Variants in SLC16A12 observed in about 807,000 individuals in gnomAD.
SLC16A12 encodes monocarboxylate transporter 12.
SLC16A12 carries 17 observed loss-of-function variants against 42.4 expected under a neutral mutation model. That is an observed-to-expected ratio of 0.40 (90% confidence interval 0.27 to 0.60). The LOEUF (loss-of-function observed/expected upper bound fraction) is 0.60, where lower values mean the gene tolerates loss of function less well. SLC16A12 is among the 20% of genes least tolerant of loss of function. The probability of loss-of-function intolerance (pLI) is 0.42; values close to 1 mark genes in which losing one functional copy is unlikely to be tolerated. For missense variants in SLC16A12, 544 were observed against 623.0 expected (o/e 0.87, Z 1.35); for synonymous variants, 224 against 229.4 (o/e 0.98, Z 0.21).
chr10:89,554,074 AAG>A (rs1843789370), intron 2 of SLC16A12, among the ~76,000 whole-genome samples: 1 of 120,164 alleles, frequency 8.3e-6, no homozygotes, highest in South Asian at 3.1e-4. Flanking sequence ...GAAAGAAAGA[AAG>A]AAAGAAAGAA....
intron 2 of SLC16A12, among the ~76,000 whole-genome samples, chr10:89,464,640 T>TA (rs1228986115): frequency 6.6e-6 from 1 of 152,168 alleles, no homozygotes; most frequent in African/African-American, 2.4e-5. Flanking sequence ...AATTGTCTAA[T>TA]AAAAAACATT....
At chr10:89,475,745 T>C (rs1031557907) in intron 2 of SLC16A12, among the ~76,000 whole-genome samples, 1 of 152,214 alleles carries the variant, frequency 6.6e-6, no homozygotes, top group Non-Finnish European at 1.5e-5. Flanking sequence ...CTCTACATTG[T>C]GTGTGATGCT....
intron 2 of SLC16A12, among the ~76,000 whole-genome samples, chr10:89,544,937 G>A (rs1380860474): frequency 1.3e-5 from 2 of 152,138 alleles, no homozygotes; most frequent in African/African-American, 4.8e-5. Context: ...TACTCCTTAA[G>A]TCAGGCATCA....
intron 2 of SLC16A12, among the ~76,000 whole-genome samples, chr10:89,476,275 T>C (rs76235543): frequency 7.2e-5 from 11 of 152,330 alleles, no homozygotes; most frequent in Admixed American, 2.0e-4. Flanking sequence ...GAGCCTATTA[T>C]TGAGAACAGT....
intron 2 of SLC16A12, among the ~76,000 whole-genome samples, chr10:89,541,894 T>C (rs1438426944): frequency 6.6e-6 from 1 of 152,248 alleles, no homozygotes; most frequent in Non-Finnish European, 1.5e-5. Context: ...ATTATTATTT[T>C]GTGTCTCCAA....
intron 2 of SLC16A12, among the ~76,000 whole-genome samples, chr10:89,518,692 T>C (rs935452248): frequency 6.6e-6 from 1 of 152,096 alleles, no homozygotes; most frequent in Non-Finnish European, 1.5e-5. Context: ...CTGTGTGACC[T>C]GGAACAAGTG....
At position 89,432,959 on chromosome 10, in the gene SLC16A12, C is replaced by T; in HGVS notation, c.*105G>A. On this transcript the variant is annotated 3_prime_UTR_variant, in exon 8 of 8. Transcript: ENST00000371790. The stretch of plus-strand genomic sequence containing the variant: ...TTAACAAAACAATAATAATAATTTC[C>T]TTGGAAGGCAATCCTTCTGCCAAAA... The T allele has an allele frequency of 1.4e-6, 2 of 1,437,698 alleles. No homozygotes were observed. The highest frequency in any genetic ancestry group is 2.6e-5 in the South Asian group (2 of 78,028). 89.1% of individuals were successfully genotyped at this position (1,437,698 alleles called of 1,614,324 possible).
intron 2 of SLC16A12, 141 bp downstream of exon 2, chr10:89,534,360 G>T (rs1843611441): frequency 6.6e-6 from 1 of 152,182 alleles, no homozygotes; most frequent in African/African-American, 2.4e-5. Flanking sequence ...TTCTGAATTT[G>T]AAAGGCCGGA....
At position 89,443,796 on chromosome 10, in the gene SLC16A12, T is replaced by C; in HGVS notation, c.264A>G (p.Ala88=). 1.2e-6 allele frequency: 2 copies of C among 1,614,030 alleles called. No individual in the cohort carries two copies. Among genetic ancestry groups the C allele is most frequent in the South Asian group, 1.1e-5 (1 of 91,084 alleles). Residue 88 remains alanine, a synonymous_variant, in exon 4 of 8, where the codon GCA becomes GCG. Coordinates refer to ENST00000371790, the MANE Select transcript of SLC16A12 (RefSeq NM_213606.4). ...TYFTQDYAQT[A]WIHSIVDCVT... The stretch of plus-strand genomic sequence containing the variant: ...CACAATCTACAATGGAATGGATCCA[T>C]GCCGTTTGTGCGTAATCCTGAGTGA...
intron 2 of SLC16A12, among the ~76,000 whole-genome samples, chr10:89,490,733 T>G (rs1842833866): frequency 2.6e-5 from 4 of 152,144 alleles, no homozygotes; most frequent in Admixed American, 2.6e-4. Context: ...TTCATTAAGT[T>G]AGCATGATTG....
At chr10:89,531,063 A>C (rs556107956) in intron 2 of SLC16A12, among the ~76,000 whole-genome samples, 97 of 152,238 alleles carry the variant, frequency 6.4e-4, no homozygotes, top group South Asian at 1.2e-3. Context: ...TCACAGAAAT[A>C]CCATTCTTTG....
intron 4 of SLC16A12, among the ~76,000 whole-genome samples, chr10:89,442,021 T>C (rs987463291): frequency 1.3e-5 from 2 of 152,216 alleles, no homozygotes; most frequent in Non-Finnish European, 2.9e-5. Context: ...CTCAGACTAA[T>C]GGCAGGAGTG....
intron 2 of SLC16A12, among the ~76,000 whole-genome samples, chr10:89,472,841 A>C (rs763672683): frequency 3.3e-5 from 5 of 151,636 alleles, no homozygotes; most frequent in Admixed American, 6.6e-5. Flanking sequence ...TTCTTGAGAC[A>C]GGATCTCACT....
chr10:89,438,967 G>T lies in SLC16A12; in HGVS notation c.665C>A (p.Ala222Asp), dbSNP rs766610051. 6.2e-7 allele frequency: 1 copy of T among 1,614,142 alleles called. No homozygotes were observed. The highest frequency in any genetic ancestry group is 8.5e-7 in the Non-Finnish European group (1 of 1,180,034). Residue 222 changes from alanine to aspartate, a missense_variant, in exon 6 of 8, where the codon GCC becomes GAC. Transcript: ENST00000371790. ...TTTAAGAGTAATTGGCCTCATCAAGGCACCACATACACAGAGATTCAAGAC... is the reference window on the plus strand; with the variant it reads ...TTTAAGAGTAATTGGCCTCATCAAGTCACCACATACACAGAGATTCAAGAC... ...GFVLNLCVCG[A>D]LMRPITLKED...
At chr10:89,527,070 A>C (rs915670056) in intron 2 of SLC16A12, among the ~76,000 whole-genome samples, 11 of 152,252 alleles carry the variant, frequency 7.2e-5, no homozygotes, top group African/African-American at 2.7e-4. Flanking sequence ...TTCGTGGATA[A>C]AAATTTATTT....
chr10:89,518,159 C>A (rs1186416679), intron 2 of SLC16A12, among the ~76,000 whole-genome samples: 1 of 152,204 alleles, frequency 6.6e-6, no homozygotes, highest in Admixed American at 6.5e-5. Flanking sequence ...AGTCCCTGGG[C>A]CTCCATGAAG....
chr10:89,545,042 T>G lies in SLC16A12; in HGVS notation c.-47+10840A>C, dbSNP rs997775683. The stretch of plus-strand genomic sequence containing the variant: ...GGTTATACCTCCATCTGGCTCTCTC[T>G]CAAATCCTGCACTGCTATGAGAACA... On this transcript the variant is annotated intron_variant, in intron 2 of 2. Coordinates refer to the SLC16A12 transcript ENST00000475682. Among the ~76,000 whole-genome samples, 10 of 152,286 alleles carry G rather than the reference T, an allele frequency of 6.6e-5. No homozygotes were observed. In the East Asian group the frequency reaches 1.9e-3, roughly 29 times the overall value.
chr10:89,543,706 A>C (rs535910628), intron 2 of SLC16A12, among the ~76,000 whole-genome samples: 1 of 152,256 alleles, frequency 6.6e-6, no homozygotes, highest in South Asian at 2.1e-4. Context: ...ATGGTGGCAC[A>C]TGCCTGTGGA....
At chr10:89,471,426 T>C (rs1311282736) in intron 2 of SLC16A12, among the ~76,000 whole-genome samples, 1 of 152,258 alleles carries the variant, frequency 6.6e-6, no homozygotes, top group Non-Finnish European at 1.5e-5. Context: ...TCACTCAAGA[T>C]AATGTTTTGA....
Sources: allele counts gnomAD v4.1 joint callset (sites outside exome capture counted in the v4.1 genomes callset), GRCh38; gene constraint gnomAD v4.1.1; transcripts MANE v1.5; gene names NCBI Gene and HGNC (gene_info 2026-07-23, HGNC 2026-07-21).